TVP23B: variants seen among roughly 807,000 people sequenced by gnomAD.
The protein encoded by TVP23B is Golgi apparatus membrane protein TVP23 homolog B.
In TVP23B, 10 loss-of-function variants were observed where a neutral mutation model predicts 30.6. The observed-to-expected ratio is 0.33, with a 90% confidence interval of 0.20 to 0.55. The LOEUF is 0.55. Among genes scored for constraint, TVP23B ranks in the 20% least tolerant of loss-of-function variants. The pLI, the probability that TVP23B is intolerant of heterozygous loss-of-function variation, is 0.91. For missense variants in TVP23B, 153 were observed against 243.2 expected (o/e 0.63, Z 2.47); for synonymous variants, 67 against 83.1 (o/e 0.81, Z 1.06).
chr17:18,792,522 A>G (rs940553899), intron 3 of TVP23B, among the ~76,000 whole-genome samples: 1 of 152,198 alleles, frequency 6.6e-6, no homozygotes, highest in Non-Finnish European at 1.5e-5. Flanking sequence ...TATTTAGTAC[A>G]TACTGCTCAC....
At chr17:18,795,750 T>G (rs1417705960) in intron 3 of TVP23B, 1 of 152,244 alleles carries the variant, frequency 6.6e-6, no homozygotes, top group South Asian at 2.1e-4. Flanking sequence ...TTTCAGTTAC[T>G]GCTATACACT....
Position 18,791,311 on chromosome 17 carries a change from T to C in TVP23B, c.240+271T>C, listed in dbSNP as rs1213518897. ...AACCTACATCAGCTTTAAAGTCAAATAAACAAACAAAAGTGACTAGCAACC... is the reference window on the plus strand; with the variant it reads ...AACCTACATCAGCTTTAAAGTCAAACAAACAAACAAAAGTGACTAGCAACC... On this transcript the variant is annotated intron_variant, in intron 3 of 6. Transcript: ENST00000307767. Among the ~76,000 whole-genome samples the C allele has an allele frequency of 6.6e-5, 8 of 121,462 alleles. No homozygotes were observed. The South Asian group carries it at 2.1e-3, about 31-fold the overall frequency. 79.7% of individuals were successfully genotyped at this position (121,462 alleles called of 152,430 possible).
chr17:18,792,945 A>G (rs372613393), intron 3 of TVP23B, among the ~76,000 whole-genome samples: 2,289 of 151,690 alleles, frequency 0.015, 65 homozygotes, highest in African/African-American at 0.051. Context: ...CTAAACCCCT[A>G]GGTGTCCAAT....
At chr17:18,783,295 G>A (rs1383646789) in intron 1 of TVP23B, among the ~76,000 whole-genome samples, 1 of 151,976 alleles carries the variant, frequency 6.6e-6, no homozygotes, top group East Asian at 1.9e-4. Flanking sequence ...TAGTAGAGAT[G>A]GGGTTTCACC....
chr17:18,785,222 C>CA (rs1383853768), intron 1 of TVP23B, among the ~76,000 whole-genome samples: 1 of 152,116 alleles, frequency 6.6e-6, no homozygotes, highest in Non-Finnish European at 1.5e-5. Flanking sequence ...TAAAACACTC[C>CA]AATGGATCTC....
chr17:18,787,283 C>G (rs1411741612), intron 1 of TVP23B, among the ~76,000 whole-genome samples: 1 of 151,632 alleles, frequency 6.6e-6, no homozygotes, highest in Non-Finnish European at 1.5e-5. Context: ...CTCCTGTAAT[C>G]CCAGTTACTC....
intron 3 of TVP23B, 50 bp downstream of exon 3, chr17:18,791,090 G>A (rs2035985832): frequency 3.5e-6 from 5 of 1,415,476 alleles, no homozygotes; most frequent in East Asian, 6.9e-5. Flanking sequence ...TGAAAATGAT[G>A]TATAAAAATA....
chr17:18,783,545 C>A, intron 1 of TVP23B, among the ~76,000 whole-genome samples: 1 of 152,318 alleles, frequency 6.6e-6, no homozygotes, highest in East Asian at 1.9e-4. Context: ...AACGTTTCTT[C>A]TCTTATCCTC....
chr17:18,789,250 A>G, intron 1 of TVP23B, 103 bp from the exon 2 acceptor site: 2 of 1,493,078 alleles, frequency 1.3e-6, no homozygotes, highest in South Asian at 1.2e-5. Flanking sequence ...CTGTAACCAC[A>G]TTATTTTATC....
chr17:18,799,387 T>G, intron 5 of TVP23B, among the ~76,000 whole-genome samples: 1 of 151,868 alleles, frequency 6.6e-6, no homozygotes, highest in East Asian at 1.9e-4. Context: ...TGAGGTCCCA[T>G]GGCCTCTCCA....
At chr17:18,802,988 A>G (rs1306724915) in intron 5 of TVP23B, among the ~76,000 whole-genome samples, 1 of 152,208 alleles carries the variant, frequency 6.6e-6, no homozygotes, top group East Asian at 1.9e-4. Flanking sequence ...AGTTTAGAAC[A>G]GAAAGTACCA....
Position 18,798,948 on chromosome 17 carries a change from G to C in TVP23B, c.462+5G>C. The stretch of plus-strand genomic sequence containing the variant: ...TCCTTCAGAGTAAAGTGGTTGGTGA[G>C]TATCAGTGTAGAACTTTCAAATAAT... On this transcript the variant is annotated splice_donor_5th_base_variant and intron_variant, in intron 5 of 6. Coordinates refer to ENST00000307767, the MANE Select transcript of TVP23B (RefSeq NM_016078.6). The C allele has an allele frequency of 6.2e-7, 1 of 1,611,126 alleles. No individual in the cohort carries two copies.
intron 5 of TVP23B, among the ~76,000 whole-genome samples, chr17:18,802,530 A>AATT (rs4003871): frequency 0.35 from 50,268 of 144,808 alleles, 9,328 homozygotes; most frequent in Non-Finnish European, 0.42. Context: ...TGGGGATGGT[A>AATT]ATTAGTGAAA....
rs1035183989 is a variant in TVP23B at position 18,781,427 on chromosome 17, C to G, written c.12+122C>G. The G allele has an allele frequency of 4.0e-6, 6 of 1,499,170 alleles. No individual in the cohort carries two copies. In the South Asian group the frequency reaches 7.6e-5, roughly 19 times the overall value. 92.9% of individuals were successfully genotyped at this position (1,499,170 alleles called of 1,614,324 possible). ...CGAACTCGAGGAGGAGCGGGGCGGC[C>G]GGGAGTGGAGGGCTGTGGGTAGTTG... On this transcript the variant is annotated intron_variant, in intron 1 of 6. Transcript: ENST00000307767.
At chr17:18,793,456 A>G (rs2151847505) in intron 3 of TVP23B, among the ~76,000 whole-genome samples, 1 of 150,832 alleles carries the variant, frequency 6.6e-6, no homozygotes, top group South Asian at 2.1e-4. Context: ...AAAAAAAAAA[A>G]AAAAAAAAAT....
At chr17:18,788,737 G>A (rs1240262593) in intron 1 of TVP23B, among the ~76,000 whole-genome samples, 3 of 152,056 alleles carry the variant, frequency 2.0e-5, no homozygotes, top group African/African-American at 7.2e-5. Context: ...AGCCAAGATC[G>A]TGCCATTGCA....
At chr17:18,804,981 T>C (rs1262340247) in intron 6 of TVP23B, among the ~76,000 whole-genome samples, 1 of 152,134 alleles carries the variant, frequency 6.6e-6, no homozygotes, top group Non-Finnish European at 1.5e-5. Flanking sequence ...ACATAAGGAT[T>C]TTACTATAAT....
rs2036116574 is a variant in TVP23B at position 18,798,925 on chromosome 17, C to T, written c.444C>T (p.Ser148=). The T allele has an allele frequency of 6.2e-7, 1 of 1,612,892 alleles. No homozygotes were observed. Among genetic ancestry groups the T allele is most frequent in the African/African-American group, 1.3e-5 (1 of 74,732 alleles). The change falls in exon 5 of 7, where the codon TCC becomes TCT. Residue 148 remains serine, a synonymous_variant. Transcript: ENST00000307767. ...TATTTGCTTTTAGTGCACTCTTCTC[C>T]TTCAGAGTAAAGTGGTTGGTGAGTA... The part of the protein sequence containing the change: ...WVIFAFSALF[S]FRVKWLAVVI...
chr17:18,791,097 A>G (rs1203528921), intron 3 of TVP23B, 57 bp downstream of exon 3: 1 of 1,527,578 alleles, frequency 6.5e-7, no homozygotes, highest in African/African-American at 1.4e-5. Flanking sequence ...GATGTATAAA[A>G]ATATGAGTTA....
Sources: gnomAD v4.1 joint callset for allele counts (sites outside exome capture counted in the v4.1 genomes callset) on GRCh38, gnomAD v4.1.1 for gene constraint, MANE v1.5 for transcripts, NCBI Gene and HGNC (gene_info 2026-07-23, HGNC 2026-07-21) for gene names.